Variants in FAM161A observed in about 807,000 individuals in gnomAD.
FAM161A encodes FAM161 centrosomal protein A.
In FAM161A, 57 loss-of-function variants were observed where a neutral mutation model predicts 70.9. The observed-to-expected ratio is 0.80, with a 90% CI of 0.65 to 1.00. FAM161A has a LOEUF of 1.00. Among genes scored for constraint, FAM161A ranks in the 50% least tolerant of loss-of-function variants. The pLI is 0.00. For synonymous variants in FAM161A, 299 were observed against 295.7 expected (o/e 1.01, Z -0.12); for missense variants, 880 against 836.0 (o/e 1.05, Z -0.65).
At chr2:61,830,752 C>T (rs1401176511) in intron 5 of FAM161A, among the ~76,000 whole-genome samples, 1 of 150,644 alleles carries the variant, frequency 6.6e-6, no homozygotes, top group African/African-American at 2.4e-5. Flanking sequence ...AAATGATCCT[C>T]CCCCCCTCAG....
In FAM161A at chr2:61,825,855, T is replaced by C. The variant is rs1479642216; in HGVS notation, c.*600A>G. 1 of 452,204 alleles carries C rather than the reference T, an allele frequency of 2.2e-6. No individual in the cohort carries two copies. Among genetic ancestry groups the C allele is most frequent in the East Asian group, 6.9e-5 (1 of 14,438 alleles). The allele number at this position is 452,204 out of a possible 1,614,324, so 28.0% of individuals were successfully genotyped here. A position where few individuals can be genotyped will look rare whatever the true frequency, so the allele number is the denominator to read the frequency against. ...GGTTTCATCGTGTTAGCCAGGATGGTCTCGATCTCCTGACCTCGTGATCCA... is the reference window on the plus strand; with the variant it reads ...GGTTTCATCGTGTTAGCCAGGATGGCCTCGATCTCCTGACCTCGTGATCCA... On this transcript the variant is annotated 3_prime_UTR_variant, in exon 7 of 7. Coordinates refer to ENST00000404929, the MANE Select transcript of FAM161A (RefSeq NM_001201543.2).
chr2:61,820,235 T>G, downstream of FAM161A: 2 of 614,098 alleles, frequency 3.3e-6, no homozygotes, highest in Non-Finnish European at 5.9e-6. Flanking sequence ...GCCAAGCAGC[T>G]GTGGCAGCTC....
At chr2:61,814,284 T>G in the FAM161A span, among the ~76,000 whole-genome samples, 9 of 152,230 alleles carry the variant, frequency 5.9e-5, no homozygotes, top group Non-Finnish European at 4.4e-5. Flanking sequence ...CTCTTTGAAC[T>G]TTTTTGCTTC....
At chr2:61,832,038 G>A (rs901072936) in intron 5 of FAM161A, among the ~76,000 whole-genome samples, 10 of 151,996 alleles carry the variant, frequency 6.6e-5, no homozygotes, top group African/African-American at 2.2e-4. Flanking sequence ...GAGCCCAGGA[G>A]CTTAAGACCA....
chr2:61,825,338 T>C lies in FAM161A; in HGVS notation c.*1117A>G. ...CTGGGTCTAGCAGTGAAGAGTTAAA[T>C]CTGAATTACTTTGGAGACTTGCCCT... is the stretch of plus-strand genomic sequence containing the variant. On this transcript the variant is annotated 3_prime_UTR_variant, in exon 7 of 7. Coordinates refer to ENST00000404929, the MANE Select transcript of FAM161A (RefSeq NM_001201543.2). The C allele has an allele frequency of 1.1e-5, 5 of 454,228 alleles. No individual in the cohort carries two copies. Among genetic ancestry groups the C allele is most frequent in the South Asian group, 7.8e-5 (5 of 64,482 alleles). The allele number at this position is 454,228 out of a possible 1,614,324, so 28.1% of individuals were successfully genotyped here.
In FAM161A at chr2:61,839,790, C is replaced by G. The variant is rs758879412; in HGVS notation, c.1214G>C (p.Gly405Ala). The G allele has an allele frequency of 5.0e-6, 8 of 1,614,136 alleles. No homozygotes were observed. In the East Asian group the frequency reaches 1.6e-4, roughly 31 times the overall value. ...SSPLPCRSAC[G>A]CRNPRCPEQA... Reference sequence around the variant, plus strand: ...TTCAGGACACCTGGGGTTCCTGCATCCACAAGCTGACCTACAAGGCAGAGG... The same window carrying G: ...TTCAGGACACCTGGGGTTCCTGCATGCACAAGCTGACCTACAAGGCAGAGG... Residue 405 changes from glycine to alanine, a missense_variant, in exon 3 of 7, where the codon GGA (glycine) becomes GCA (alanine). Coordinates refer to ENST00000404929, the MANE Select transcript of FAM161A (RefSeq NM_001201543.2).
downstream of FAM161A, among the ~76,000 whole-genome samples, chr2:61,822,563 C>T (rs1366284307): frequency 6.6e-6 from 1 of 152,102 alleles, no homozygotes. Context: ...TTCTTTGAAG[C>T]AATGAGGTAA....
chr2:61,808,104 C>T, the FAM161A span, among the ~76,000 whole-genome samples: 2 of 152,074 alleles, frequency 1.3e-5, no homozygotes, highest in Non-Finnish European at 2.9e-5. Flanking sequence ...TCAGTGATGG[C>T]GTGAGGCAGT....
intron 1 of FAM161A, among the ~76,000 whole-genome samples, chr2:61,843,541 T>C (rs17513791): frequency 0.03 from 4,577 of 152,316 alleles, 91 homozygotes; most frequent in Non-Finnish European, 0.049. Context: ...TATGATACTA[T>C]GCATAAAAGG....
chr2:61,800,773 ATG>A, the FAM161A span, among the ~76,000 whole-genome samples: 1 of 152,172 alleles, frequency 6.6e-6, no homozygotes, highest in Non-Finnish European at 1.5e-5. Flanking sequence ...TTGGCATAAA[ATG>A]TGTCTTAAAG....
intron 1 of FAM161A, among the ~76,000 whole-genome samples, chr2:61,847,383 T>C (rs1181624795): frequency 6.6e-6 from 1 of 152,192 alleles, no homozygotes; most frequent in Non-Finnish European, 1.5e-5. Context: ...GTCTGTCTTA[T>C]TTTTCCCAGA....
In FAM161A at chr2:61,842,131, T is replaced by A. The variant is rs1423637775; in HGVS notation, c.413A>T (p.Asp138Val). 3.2e-6 allele frequency: 5 copies of A among 1,567,776 alleles called. No homozygotes were observed. The highest frequency in any genetic ancestry group is 4.4e-6 in the Non-Finnish European group (5 of 1,137,938). The change falls in exon 2 of 7, where the codon GAC becomes GTC. Residue 138 changes from aspartate (D) to valine (V), a missense_variant. By Grantham distance (152) the Asp-to-Val change is radical (BLOSUM62 -3). Transcript: ENST00000404929. Reference protein sequence around the residue: ...PVVIREDSLSDSSRSVSEKNS... With the variant: ...PVVIREDSLSVSSRSVSEKNS... ...TGAGTTACAAGCTTACCTGGAAGAG[T>A]CACTAAGAGAGTCTTCTCTGATGAC...
chr2:61,829,858 C>T (rs1306421080), intron 5 of FAM161A, among the ~76,000 whole-genome samples: 7 of 152,124 alleles, frequency 4.6e-5, no homozygotes, highest in Non-Finnish European at 7.4e-5. Context: ...TCAGCAGCAG[C>T]GAGACCACAA....
downstream of FAM161A, among the ~76,000 whole-genome samples, chr2:61,824,167 C>G (rs944658702): frequency 3.3e-5 from 5 of 150,100 alleles, no homozygotes; most frequent in Non-Finnish European, 7.4e-5. Context: ...GCTGGGACTA[C>G]AGGCACCCAC....
At chr2:61,820,697 CTATACTGAAATATT>C (rs1672184988), downstream of FAM161A, 2 of 397,318 alleles carry the variant, frequency 5.0e-6, no homozygotes, top group Admixed American at 7.3e-5. Context: ...ATTTAAAGAT[CTATACTGAAATATT>C]TATACATGAA....
At chr2:61,816,471 G>C in the FAM161A span, among the ~76,000 whole-genome samples, 6 of 151,948 alleles carry the variant, frequency 3.9e-5, no homozygotes, top group Non-Finnish European at 7.4e-5. Flanking sequence ...TTGTTTGTTT[G>C]TTTAATTGAG....
In FAM161A at chr2:61,840,203, T is replaced by G. The variant is rs376613731; in HGVS notation, c.801A>C (p.Lys267Asn). 6.2e-7 allele frequency: 1 copy of G among 1,613,896 alleles called. No individual in the cohort carries two copies. The highest frequency in any genetic ancestry group is 8.5e-7 in the Non-Finnish European group (1 of 1,180,012). The change falls in exon 3 of 7, where the codon AAA becomes AAC. Residue 267 changes from lysine to asparagine, a missense_variant. By Grantham distance (94) the Lys-to-Asn change is moderately conservative. Transcript: ENST00000404929. The part of the protein sequence containing the change: ...KSKSDIEMVH[K>N]ALKKQEEDPE... ...GATCCTCTTCTTGTTTTTTGAGCGCTTTATGTACCATTTCGATATCTGATT... is the reference window on the plus strand; with the variant it reads ...GATCCTCTTCTTGTTTTTTGAGCGCGTTATGTACCATTTCGATATCTGATT...
At chr2:61,841,343 T>A (rs1673013385) in intron 2 of FAM161A, among the ~76,000 whole-genome samples, 1 of 152,212 alleles carries the variant, frequency 6.6e-6, no homozygotes, top group Non-Finnish European at 1.5e-5. Context: ...CCTGTGAAGT[T>A]CCTCACACAC....
chr2:61,838,505 G>C, intron 4 of FAM161A, 33 bp downstream of exon 4: 2 of 1,558,082 alleles, frequency 1.3e-6, no homozygotes, highest in Non-Finnish European at 1.7e-6. Flanking sequence ...TTGAAAACCA[G>C]TGGTCTGGAG....
Sources: gnomAD v4.1 joint callset for allele counts (sites outside exome capture counted in the v4.1 genomes callset) on GRCh38, gnomAD v4.1.1 for gene constraint, MANE v1.5 for transcripts, NCBI Gene and HGNC (gene_info 2026-07-23, HGNC 2026-07-21) for gene names.